Variants in PRLR observed in about 807,000 individuals in gnomAD.
The protein encoded by PRLR is hPRL receptor.
A neutral mutation model predicts 40.2 loss-of-function variants in PRLR; 13 were observed. The ratio of observed to expected loss-of-function variants is 0.32; its 90% CI spans 0.21 to 0.51. The LOEUF (loss-of-function observed/expected upper bound fraction) is 0.51, where lower values mean the gene tolerates loss of function less well. Among genes scored for constraint, PRLR ranks in the 20% least tolerant of loss-of-function variants. The pLI, the probability that PRLR is intolerant of heterozygous loss-of-function variation, is 0.97. For missense variants in PRLR, 656 were observed against 747.3 expected (o/e 0.88, Z 1.42); for synonymous variants, 269 against 278.7 (o/e 0.97, Z 0.35).
intron 5 of PRLR, among the ~76,000 whole-genome samples, chr5:35,082,332 C>T (rs77703739): frequency 0.013 from 2,032 of 152,302 alleles, 43 homozygotes; most frequent in African/African-American, 0.047. Flanking sequence ...CTAAACAATG[C>T]TTCTGATAAA....
At chr5:35,128,893 G>A (rs978045619) in intron 1 of PRLR, among the ~76,000 whole-genome samples, 4 of 152,108 alleles carry the variant, frequency 2.6e-5, no homozygotes, top group Non-Finnish European at 5.9e-5. Flanking sequence ...ACAACTCTCA[G>A]GCAAGACCTG....
At chr5:35,129,560 A>AG (rs1010651780) in intron 1 of PRLR, among the ~76,000 whole-genome samples, 16 of 152,232 alleles carry the variant, frequency 1.1e-4, no homozygotes, top group African/African-American at 3.9e-4. Flanking sequence ...GTCTCAAGAC[A>AG]GGAGGTGGAC....
At chr5:35,190,592 G>A (rs1040149196) in intron 1 of PRLR, among the ~76,000 whole-genome samples, 5 of 149,578 alleles carry the variant, frequency 3.3e-5, no homozygotes, top group Admixed American at 2.7e-4. Context: ...CAGCATGGGT[G>A]ACAGACTGAG....
chr5:35,156,211 C>G (rs1193574823), intron 1 of PRLR, among the ~76,000 whole-genome samples: 1 of 151,284 alleles, frequency 6.6e-6, no homozygotes, highest in Non-Finnish European at 1.5e-5. Context: ...CCAATCCAAT[C>G]CAATGATGAA....
intron 1 of PRLR, among the ~76,000 whole-genome samples, chr5:35,224,118 C>A (rs1019330708): frequency 6.6e-6 from 1 of 152,138 alleles, no homozygotes; most frequent in African/African-American, 2.4e-5. Flanking sequence ...ATTAACATAG[C>A]GTTACAATGC....
At chr5:35,083,807 C>T (rs1016286394) in intron 5 of PRLR, among the ~76,000 whole-genome samples, 3 of 135,026 alleles carry the variant, frequency 2.2e-5, no homozygotes, top group East Asian at 4.1e-4. Context: ...CGTGAGGCAC[C>T]GCGCCCAGCC....
At chr5:35,131,072 T>A (rs373048708) in intron 1 of PRLR, among the ~76,000 whole-genome samples, 29 of 152,344 alleles carry the variant, frequency 1.9e-4, no homozygotes, top group East Asian at 1.3e-3. Context: ...TTGTAAGCCA[T>A]CTAGTTGTGG....
chr5:35,093,077 CTCCCT>C (rs1771313893), intron 2 of PRLR, among the ~76,000 whole-genome samples: 1 of 152,154 alleles, frequency 6.6e-6, no homozygotes, highest in South Asian at 2.1e-4. Context: ...TCTCTTCATT[CTCCCT>C]TCCATTAAGC....
At chr5:35,191,811 A>G (rs1239514912) in intron 1 of PRLR, among the ~76,000 whole-genome samples, 4 of 152,158 alleles carry the variant, frequency 2.6e-5, no homozygotes, top group Non-Finnish European at 5.9e-5. Context: ...CACGGGTCTC[A>G]CTTCTCCCTA....
intron 1 of PRLR, among the ~76,000 whole-genome samples, chr5:35,126,264 C>T (rs1017436883): frequency 6.6e-6 from 1 of 151,806 alleles, no homozygotes; most frequent in African/African-American, 2.4e-5. Flanking sequence ...CCGAGAGTGC[C>T]ATGTGTAGTT....
chr5:35,111,736 T>C (rs566386440), intron 2 of PRLR, among the ~76,000 whole-genome samples: 56 of 152,230 alleles, frequency 3.7e-4, no homozygotes, highest in African/African-American at 1.3e-3. Flanking sequence ...TATAGAAACA[T>C]GGAAAAAGTA....
chr5:35,101,250 A>G lies in PRLR; in HGVS notation c.-43-11587T>C, dbSNP rs1012294678. On this transcript the variant is annotated intron_variant, in intron 2 of 9. Transcript: ENST00000618457. ...GTTGGGTGACTATTTTTATAAAGTC[A>G]TATAGAATGCAGTATTCTCATGTAC... Among the ~76,000 whole-genome samples, 13 of 152,306 alleles carry G rather than the reference A, an allele frequency of 8.5e-5. No individual in the cohort carries two copies. The South Asian group carries it at 2.3e-3, about 27-fold the overall frequency.
intron 5 of PRLR, among the ~76,000 whole-genome samples, chr5:35,078,967 A>G (rs1033920482): frequency 1.8e-4 from 27 of 152,236 alleles, no homozygotes; most frequent in African/African-American, 6.3e-4. Context: ...CCACATGATT[A>G]TCTCAATAGA....
intron 1 of PRLR, among the ~76,000 whole-genome samples, chr5:35,229,118 T>C (rs892617189): frequency 4.7e-5 from 7 of 147,676 alleles, no homozygotes; most frequent in Non-Finnish European, 7.5e-5. Flanking sequence ...ATATATATTA[T>C]ATATATTTCT....
intron 2 of PRLR, among the ~76,000 whole-genome samples, chr5:35,095,093 G>A (rs1262130736): frequency 6.6e-6 from 1 of 152,102 alleles, no homozygotes; most frequent in African/African-American, 2.4e-5. Context: ...CCTCCCAAAG[G>A]TCTGTGATTA....
In PRLR at chr5:35,066,072, AGG is replaced by A; in HGVS notation, c.884_885del (p.Ala295ValfsTer11). The part of the protein sequence containing the change: ...EKGKSEELLS[A>X]LGCQDFPPTS... Reference sequence around the variant, plus strand: ...GTGGGAGGAAAGTCTTGGCATCCCAAGGCACTCAGTAGTTCTTCAGACTTGCC... The same window carrying A: ...GTGGGAGGAAAGTCTTGGCATCCCAACACTCAGTAGTTCTTCAGACTTGCC... On this transcript the variant is annotated frameshift_variant, in exon 10 of 10. Transcript: ENST00000618457. LOFTEE classifies it low-confidence loss of function (END_TRUNC). 1 of 1,614,054 alleles carries A rather than the reference AGG, an allele frequency of 6.2e-7. No homozygotes were observed. The highest frequency in any genetic ancestry group is 8.5e-7 in the Non-Finnish European group (1 of 1,179,976).
At chr5:35,216,059 G>GA (rs1050840592) in intron 1 of PRLR, among the ~76,000 whole-genome samples, 38 of 144,672 alleles carry the variant, frequency 2.6e-4, no homozygotes, top group African/African-American at 6.3e-4. Flanking sequence ...AAAGGGAAAA[G>GA]AAAAAAAAAA....
At chr5:35,157,842 C>T (rs1476553445) in intron 1 of PRLR, among the ~76,000 whole-genome samples, 1 of 152,204 alleles carries the variant, frequency 6.6e-6, no homozygotes, top group Non-Finnish European at 1.5e-5. Context: ...TAAAAGGGCA[C>T]CTTTAAAAAT....
intron 1 of PRLR, among the ~76,000 whole-genome samples, chr5:35,159,112 G>A (rs1774595627): frequency 6.6e-6 from 1 of 152,078 alleles, no homozygotes; most frequent in South Asian, 2.1e-4. Context: ...TCTACAGCAT[G>A]GAAAAAGCAA....
Sources: gnomAD v4.1 joint callset for allele counts (sites outside exome capture counted in the v4.1 genomes callset) on GRCh38, gnomAD v4.1.1 for gene constraint, MANE v1.5 for transcripts, NCBI Gene and HGNC (gene_info 2026-07-23, HGNC 2026-07-21) for gene names.